Variants in ANKRD26 observed in about 807,000 individuals in gnomAD.
The protein encoded by ANKRD26 is ankyrin repeat domain-containing protein 26.
Under a neutral mutation model 208.7 loss-of-function variants are expected in ANKRD26, and 141 were observed. The observed-to-expected ratio is 0.68, with a 90% CI of 0.59 to 0.78. ANKRD26 has a LOEUF of 0.78. Ranked by LOEUF, ANKRD26 falls within the 30% of genes least tolerant of loss-of-function variation. The pLI is 0.00. For missense variants in ANKRD26, 1,889 were observed against 1,938.7 expected (o/e 0.97, Z 0.48); for synonymous variants, 636 against 660.4 (o/e 0.96, Z 0.57).
At chr10:26,972,183 C>G (rs551640343), downstream of ANKRD26, among the ~76,000 whole-genome samples, 1 of 148,090 alleles carries the variant, frequency 6.8e-6, no homozygotes, top group Non-Finnish European at 1.5e-5. Flanking sequence ...TGCAGTGAGC[C>G]GAGATCGTGC....
the ANKRD26 span, among the ~76,000 whole-genome samples, chr10:26,960,083 G>T: frequency 1.3e-5 from 2 of 151,652 alleles, no homozygotes; most frequent in East Asian, 3.9e-4. Flanking sequence ...AATCACTTGA[G>T]CCCATGAGTT....
chr10:27,061,739 T>C (rs1001263319), intron 12 of ANKRD26, among the ~76,000 whole-genome samples: 5 of 151,988 alleles, frequency 3.3e-5, no homozygotes, highest in Admixed American at 1.3e-4. Flanking sequence ...AATTTTTGTA[T>C]GTTTTTGTAG....
intron 11 of ANKRD26, among the ~76,000 whole-genome samples, chr10:27,064,484 A>G (rs192654362): frequency 3.6e-4 from 55 of 152,170 alleles, no homozygotes; most frequent in Non-Finnish European, 7.2e-4. Flanking sequence ...ATTAAGAGGG[A>G]AAAAAAAGTG....
At chr10:27,031,706 T>C (rs1283540504) in intron 25 of ANKRD26, among the ~76,000 whole-genome samples, 1 of 152,208 alleles carries the variant, frequency 6.6e-6, no homozygotes, top group Non-Finnish European at 1.5e-5. Flanking sequence ...ATATAAATTA[T>C]ATCTCAATAA....
intron 4 of ANKRD26, among the ~76,000 whole-genome samples, chr10:26,998,232 A>G (rs1042072007): frequency 6.6e-6 from 1 of 151,994 alleles, no homozygotes; most frequent in Non-Finnish European, 1.5e-5. Context: ...GACATCTTGC[A>G]ATACTGTTGC....
At chr10:27,037,447 T>C (rs2054081547) in intron 22 of ANKRD26, 124 bp from the exon 23 acceptor site, 1 of 1,043,976 alleles carries the variant, frequency 9.6e-7, no homozygotes. Context: ...CAAGAACCTT[T>C]ATTACTCAAG....
the ANKRD26 span, among the ~76,000 whole-genome samples, chr10:26,965,141 C>G: frequency 6.6e-6 from 1 of 152,130 alleles, no homozygotes; most frequent in Non-Finnish European, 1.5e-5. Context: ...ATTTAAAGTT[C>G]ATATGGAACC....
At chr10:26,984,561 G>T (rs1458860031) in intron 3 of ANKRD26, among the ~76,000 whole-genome samples, 1 of 152,152 alleles carries the variant, frequency 6.6e-6, no homozygotes, top group Non-Finnish European at 1.5e-5. Flanking sequence ...CTAGGCTACA[G>T]ATTATGACCA....
At chr10:27,086,402 A>G (rs2056116190) in intron 5 of ANKRD26, 137 bp downstream of exon 5, 5 of 1,112,010 alleles carry the variant, frequency 4.5e-6, no homozygotes, top group Non-Finnish European at 6.1e-6. Context: ...TAGATTACCA[A>G]GAGAAATTAA....
At chr10:27,064,526 T>C (rs892187903) in intron 11 of ANKRD26, among the ~76,000 whole-genome samples, 1 of 152,200 alleles carries the variant, frequency 6.6e-6, no homozygotes, top group African/African-American at 2.4e-5. Flanking sequence ...CTTGCTATAG[T>C]ACAGCGTTAA....
Position 27,043,518 on chromosome 10 carries a change from G to T in ANKRD26, c.2069C>A (p.Ser690Ter), listed in dbSNP as rs1466589987. 1 of 1,613,874 alleles carries T rather than the reference G, an allele frequency of 6.2e-7. No individual in the cohort carries two copies. The highest frequency in any genetic ancestry group is 8.5e-7 in the Non-Finnish European group (1 of 1,179,830). The change falls in exon 20 of 34, where the codon TCA becomes TAA. Residue 690 changes from serine (S) to a stop codon, truncating the protein, a stop_gained. Transcript: ENST00000376087. LOFTEE classifies it high-confidence loss of function. The stretch of plus-strand genomic sequence containing the variant: ...ACAATCCTCTGAGGCTGTTTCAGAT[G>T]ACTGAGTTAAGTCATCAACATCATC... ...SMDDVDDLTQSSETASEDCEL... is the reference protein window; with the variant it reads ...SMDDVDDLTQ
exon 6 of ANKRD26, among the ~76,000 whole-genome samples, chr10:26,974,331 T>C (rs971291588): frequency 5.0e-5 from 7 of 141,362 alleles, no homozygotes; most frequent in Non-Finnish European, 9.0e-5. Context: ...ATTCTAGACA[T>C]TACTTCTGCA....
chr10:27,040,324 T>C (rs1564380147), intron 20 of ANKRD26, 146 bp from the exon 21 acceptor site: 1 of 666,836 alleles, frequency 1.5e-6, no homozygotes, highest in Non-Finnish European at 2.6e-6. Context: ...GCTCTGAAGA[T>C]AAAACAGGCA....
intron 7 of ANKRD26, 136 bp downstream of exon 7, chr10:27,078,953 T>A: frequency 5.6e-6 from 3 of 537,684 alleles, no homozygotes; most frequent in Non-Finnish European, 6.6e-6. Flanking sequence ...CATATTTCTA[T>A]AAAATGGCTT....
chr10:27,046,006 A>C (rs1348884248), intron 18 of ANKRD26: 1 of 187,710 alleles, frequency 5.3e-6, no homozygotes, highest in Non-Finnish European at 1.1e-5. Context: ...CTACTGGGTC[A>C]CTCCCAAAAG....
downstream of ANKRD26, among the ~76,000 whole-genome samples, chr10:26,972,201 C>G (rs1019436408): frequency 2.0e-5 from 3 of 149,408 alleles, no homozygotes; most frequent in Non-Finnish European, 4.4e-5. Flanking sequence ...TGCCACTGCA[C>G]TCCAGCCTGG....
At chr10:27,094,316 G>A (rs374694788) in intron 1 of ANKRD26, among the ~76,000 whole-genome samples, 11 of 152,096 alleles carry the variant, frequency 7.2e-5, no homozygotes, top group Non-Finnish European at 1.5e-4. Context: ...TTCAAAACAA[G>A]TATTTAATTT....
chr10:27,067,168 T>C lies in ANKRD26; in HGVS notation c.1196A>G (p.Asn399Ser). 1 of 1,613,464 alleles carries C rather than the reference T, an allele frequency of 6.2e-7. No individual in the cohort carries two copies. The highest frequency in any genetic ancestry group is 1.3e-5 in the African/African-American group (1 of 75,050). ...NLTYVDEVHK[N>S]NRSDMMSALG... ...ATCCACTAACTTACCACTTCTATTATTTTTGTGCACTTCATCAACATAAGT... is the reference window on the plus strand; with the variant it reads ...ATCCACTAACTTACCACTTCTATTACTTTTGTGCACTTCATCAACATAAGT... Residue 399 changes from asparagine (N) to serine (S), a missense_variant, in exon 10 of 34, where the codon AAT (asparagine) becomes AGT (serine). By Grantham distance (46) the Asn-to-Ser change is conservative. Coordinates refer to ENST00000376087, the MANE Select transcript of ANKRD26 (RefSeq NM_014915.3).
Position 27,093,489 on chromosome 10 carries a change from T to G in ANKRD26, c.391A>C (p.Ile131Leu), listed in dbSNP as rs774893100. 1.9e-6 allele frequency: 3 copies of G among 1,614,196 alleles called. No homozygotes were observed. Among genetic ancestry groups the G allele is most frequent in the Non-Finnish European group, 2.5e-6 (3 of 1,180,028 alleles). ...VQCQEEKCAT[I>L]LLEHGADPNL... ...GGATCAGCACCATGTTCTAGCAGAATAGTTGCACATTTCTCTTCCTGGCAT... is the reference window on the plus strand; with the variant it reads ...GGATCAGCACCATGTTCTAGCAGAAGAGTTGCACATTTCTCTTCCTGGCAT... Residue 131 changes from isoleucine to leucine, a missense_variant, in exon 3 of 34, where the codon ATT becomes CTT. Ile to Leu is a conservative substitution (Grantham distance 5, BLOSUM62 2). Around this residue, in one of 3 missense-constraint regions of ANKRD26, gnomAD observed 1,272 missense variants for 1,273.8 expected, o/e 1.00. Coordinates refer to ENST00000376087, the MANE Select transcript of ANKRD26 (RefSeq NM_014915.3).
Sources: allele counts gnomAD v4.1 joint callset (sites outside exome capture counted in the v4.1 genomes callset), GRCh38; gene constraint gnomAD v4.1.1; regional missense constraint gnomAD v4.1.1; transcripts MANE v1.5; gene names NCBI Gene and HGNC (gene_info 2026-07-23, HGNC 2026-07-21).